The following SIK2 variants were observed in gnomAD, a reference collection of about 807,000 sequenced individuals.
SIK2 encodes the protein serine/threonine-protein kinase SIK2.
SIK2 carries 29 observed loss-of-function variants against 103.2 expected under a neutral mutation model. The ratio of observed to expected loss-of-function variants is 0.28; its 90% CI spans 0.21 to 0.38. SIK2 has a LOEUF of 0.38. Ranked by LOEUF, SIK2 falls within the 10% of genes least tolerant of loss-of-function variation. SIK2 has a pLI of 1.00. For synonymous variants in SIK2, 412 were observed against 446.1 expected, an observed-to-expected ratio of 0.92 and a Z score of 0.96; for missense variants, 879 against 1,171.0, an observed-to-expected ratio of 0.75 and a Z score of 3.64.
At chr11:111,659,104 C>T (rs1283300324) in intron 3 of SIK2, among the ~76,000 whole-genome samples, 3 of 152,082 alleles carry the variant, frequency 2.0e-5, no homozygotes, top group Non-Finnish European at 2.9e-5. Flanking sequence ...ATACTGATTA[C>T]ATGATCATTT....
Position 111,722,880 on chromosome 11 carries a change from A to G in SIK2, c.2147+124A>G, listed in dbSNP as rs1037895559. 5 of 836,218 alleles carry G rather than the reference A, an allele frequency of 6.0e-6. No individual in the cohort carries two copies. In the Admixed American group the frequency reaches 7.5e-5, roughly 12 times the overall value. The allele number at this position is 836,218 out of a possible 1,614,324, so 51.8% of individuals were successfully genotyped here. A position where few individuals can be genotyped will look rare whatever the true frequency, so the allele number is the denominator to read the frequency against. On this transcript the variant is annotated intron_variant, in intron 14 of 14. Transcript: ENST00000304987. The surrounding 1 kb of genome is among the most constrained non-coding windows in gnomAD (Gnocchi z 4.4). ...GGAAAATAGGTTTTCTGCGTGTGTC[A>G]CAGGCCCTCTGAGCACGATTACTAA... is the stretch of plus-strand genomic sequence containing the variant.
At chr11:111,681,018 T>C (rs1049679458) in intron 3 of SIK2, among the ~76,000 whole-genome samples, 5 of 152,134 alleles carry the variant, frequency 3.3e-5, no homozygotes, top group African/African-American at 9.7e-5. Flanking sequence ...GGTAATGAAG[T>C]TTATAAAAAG....
chr11:111,712,959 G>T (rs1591639427), intron 9 of SIK2, among the ~76,000 whole-genome samples: 1 of 152,158 alleles, frequency 6.6e-6, no homozygotes, highest in Admixed American at 6.5e-5. Flanking sequence ...GAGCTCAGGA[G>T]TTCCAGACCA....
chr11:111,672,811 G>A (rs1489526598), intron 3 of SIK2, among the ~76,000 whole-genome samples: 1 of 152,214 alleles, frequency 6.6e-6, no homozygotes, highest in Non-Finnish European at 1.5e-5. Context: ...AGCAAAGGAC[G>A]CAGAGTAAGA....
intron 3 of SIK2, among the ~76,000 whole-genome samples, chr11:111,679,550 A>G (rs1942750481): frequency 6.6e-6 from 1 of 152,260 alleles, no homozygotes; most frequent in Non-Finnish European, 1.5e-5. Flanking sequence ...TTTTATATTC[A>G]TAAATATATC....
intron 3 of SIK2, among the ~76,000 whole-genome samples, chr11:111,628,416 A>ATCTTTCTTTCCTTCTTTCTT (rs1941989968): frequency 8.0e-6 from 1 of 125,574 alleles, no homozygotes; most frequent in South Asian, 3.4e-4. Flanking sequence ...CCGCTTTCAT[A>ATCTTTCTTTCCTTCTTTCTT]TCTTTCTTTC....
At chr11:111,720,152 C>T in intron 10 of SIK2, 149 bp downstream of exon 10, 2 of 815,124 alleles carry the variant, frequency 2.5e-6, no homozygotes, top group Non-Finnish European at 2.0e-6. Context: ...ATAGCAGACA[C>T]AGCCTGGCAG....
chr11:111,609,388 T>G (rs1414650841), intron 1 of SIK2, among the ~76,000 whole-genome samples: 1 of 152,092 alleles, frequency 6.6e-6, no homozygotes, highest in African/African-American at 2.4e-5. Flanking sequence ...GTTGCGAGAT[T>G]ACACCTCACT....
intron 8 of SIK2, among the ~76,000 whole-genome samples, chr11:111,709,002 T>G (rs547951061): frequency 1.3e-5 from 2 of 152,336 alleles, no homozygotes; most frequent in South Asian, 4.1e-4. Flanking sequence ...CTTTAATTAC[T>G]GTTTAGAGGT....
chr11:111,730,320 A>C lies in SIK2; in HGVS notation c.*6191A>C, dbSNP rs1262491279. 1 of 152,230 alleles carries C rather than the reference A, an allele frequency of 6.6e-6. No individual in the cohort carries two copies. Among genetic ancestry groups the C allele is most frequent in the Non-Finnish European group, 1.5e-5 (1 of 68,054 alleles). The allele number at this position is 152,230 out of a possible 1,614,324, so 9.4% of individuals were successfully genotyped here. On this transcript the variant is annotated 3_prime_UTR_variant, in exon 15 of 15. Transcript: ENST00000304987. ...CTGCAGAAGATTTGCTCAGTCAAGG[A>C]AATTCAAGTGGTGAGACCTTTCCAC...
At chr11:111,696,175 A>G (rs944780674) in intron 4 of SIK2, among the ~76,000 whole-genome samples, 3 of 152,210 alleles carry the variant, frequency 2.0e-5, no homozygotes, top group Admixed American at 1.3e-4. Flanking sequence ...CAGGTGAGAG[A>G]ATATGAATAC....
intron 1 of SIK2, among the ~76,000 whole-genome samples, chr11:111,604,957 A>AT (rs11412519): frequency 0.31 from 41,444 of 133,790 alleles, 6,620 homozygotes; most frequent in African/African-American, 0.41. Context: ...GTTGCTCTGA[A>AT]TTTTTTTTTT....
chr11:111,618,530 GCAGTGACATGTAGTCC>G (rs1256904618), intron 2 of SIK2, among the ~76,000 whole-genome samples: 2 of 152,104 alleles, frequency 1.3e-5, no homozygotes, highest in African/African-American at 4.8e-5. Flanking sequence ...TTAGCCCAGT[GCAGTGACATGTAGTCC>G]CAGCTACTGG....
At chr11:111,671,216 C>T (rs1942622988) in intron 3 of SIK2, 1 of 262,286 alleles carries the variant, frequency 3.8e-6, no homozygotes. Context: ...CTTTCCTTGC[C>T]CTGCAGCAGC....
chr11:111,663,978 T>TA (rs1470532869), intron 3 of SIK2, among the ~76,000 whole-genome samples: 1 of 152,222 alleles, frequency 6.6e-6, no homozygotes, highest in Non-Finnish European at 1.5e-5. Flanking sequence ...TCCTGTGCTC[T>TA]AATCATTATG....
chr11:111,622,149 T>C (rs1255423182), intron 3 of SIK2, among the ~76,000 whole-genome samples: 1 of 151,884 alleles, frequency 6.6e-6, no homozygotes, highest in Non-Finnish European at 1.5e-5. Flanking sequence ...TTTTGAAAAT[T>C]GCATCTATTT....
At chr11:111,646,253 C>T (rs961778990) in intron 3 of SIK2, among the ~76,000 whole-genome samples, 1 of 151,962 alleles carries the variant, frequency 6.6e-6, no homozygotes, top group Non-Finnish European at 1.5e-5. Flanking sequence ...AGTTTGAGAC[C>T]AGCCTGACCA....
rs1023762691 is a variant in SIK2, at chr11:111,688,234, G to C, written c.478+72G>C. On this transcript the variant is annotated intron_variant, in intron 4 of 14. Coordinates refer to ENST00000304987, the MANE Select transcript of SIK2 (RefSeq NM_015191.3). This position sits in a 1 kb window ranked among gnomAD's most constrained non-coding sequence, Gnocchi z 4.2. ...GCACTCAGTGTGTGGAAACAGACCTGCAGGCGCAGATTCAGCAGCATTTCT... is the reference window on the plus strand; with the variant it reads ...GCACTCAGTGTGTGGAAACAGACCTCCAGGCGCAGATTCAGCAGCATTTCT... The C allele has an allele frequency of 1.3e-6, 2 of 1,494,052 alleles. No individual in the cohort carries two copies. The highest frequency in any genetic ancestry group is 2.8e-5 in the African/African-American group (2 of 72,348). The allele number at this position is 1,494,052 out of a possible 1,614,324, so 92.5% of individuals were successfully genotyped here. A position where few individuals can be genotyped will look rare whatever the true frequency, so the allele number is the denominator to read the frequency against.
Position 111,724,906 on chromosome 11 carries a change from CAA to C in SIK2, c.*778_*779del, listed in dbSNP as rs1644497044. Reference sequence around the variant, plus strand: ...CCGTGGAGGCAGGGGGCAAGAAACTCAAGAACGCATCAAGAGCACCAGCCCTG... The same window carrying C: ...CCGTGGAGGCAGGGGGCAAGAAACTCGAACGCATCAAGAGCACCAGCCCTG... On this transcript the variant is annotated 3_prime_UTR_variant, in exon 15 of 15. Coordinates refer to ENST00000304987, the MANE Select transcript of SIK2 (RefSeq NM_015191.3). 1 of 152,304 alleles carries C rather than the reference CAA, an allele frequency of 6.6e-6. No individual in the cohort carries two copies. Among genetic ancestry groups the C allele is most frequent in the African/African-American group, 2.4e-5 (1 of 41,464 alleles). The allele number at this position is 152,304 out of a possible 1,614,324, so 9.4% of individuals were successfully genotyped here.
Sources: gnomAD v4.1 joint callset for allele counts (sites outside exome capture counted in the v4.1 genomes callset) on GRCh38, gnomAD v4.1.1 for gene constraint, Gnocchi (gnomAD v3.1) non-coding constraint, MANE v1.5 for transcripts, NCBI Gene and HGNC (gene_info 2026-07-23, HGNC 2026-07-21) for gene names.